Variants in SYTL2 observed in about 807,000 individuals in gnomAD.
SYTL2 encodes the protein synaptotagmin-like protein 2.
In SYTL2, 165 loss-of-function variants were observed where a neutral mutation model predicts 198.7. That is an observed-to-expected ratio of 0.83 (90% confidence interval 0.73 to 0.94). The LOEUF is 0.94. Ranked by LOEUF, SYTL2 falls within the 40% of genes least tolerant of loss-of-function variation. The pLI, the probability that SYTL2 is intolerant of heterozygous loss-of-function variation, is 0.00. For missense variants in SYTL2, 2,835 were observed against 2,582.8 expected (o/e 1.10, Z -2.12); for synonymous variants, 966 against 917.7 (o/e 1.05, Z -0.95).
In SYTL2 at chr11:85,757,942, T is replaced by C. The variant is rs533234089; in HGVS notation, c.-217A>G. 269 of 568,396 alleles carry C rather than the reference T, an allele frequency of 4.7e-4. 3 individuals carry two copies. The highest frequency in any genetic ancestry group is 4.6e-3 in the African/African-American group (244 of 53,282). 35.2% of individuals were successfully genotyped at this position (568,396 alleles called of 1,614,324 possible). A position where few individuals can be genotyped will look rare whatever the true frequency, so the allele number is the denominator to read the frequency against. On this transcript the variant is annotated 5_prime_UTR_variant, in exon 2 of 20. Transcript: ENST00000359152. ...CATGAGGAAGTCCTGGTCTGTGGGA[T>C]AGTGTCGAGAAGAGGCTCTCAGAAG... is the stretch of plus-strand genomic sequence containing the variant.
At chr11:85,763,959 G>C (rs1298713298) in intron 1 of SYTL2, among the ~76,000 whole-genome samples, 1 of 152,212 alleles carries the variant, frequency 6.6e-6, no homozygotes, top group African/African-American at 2.4e-5. Context: ...CTCCCTCTCA[G>C]CAGAAAGATT....
intron 18 of SYTL2, among the ~76,000 whole-genome samples, chr11:85,697,582 C>T (rs1175608446): frequency 1.3e-5 from 2 of 152,182 alleles, no homozygotes; most frequent in Admixed American, 1.3e-4. Flanking sequence ...CATACAATGA[C>T]CGTTTGCAAA....
upstream of SYTL2, among the ~76,000 whole-genome samples, chr11:85,813,781 G>T (rs2093058297): frequency 6.8e-6 from 1 of 146,682 alleles, no homozygotes; most frequent in Admixed American, 6.9e-5. Flanking sequence ...CCCAGGCAGT[G>T]GCACAAACAC....
At chr11:85,699,605 T>G (rs2083942080) in intron 17 of SYTL2, among the ~76,000 whole-genome samples, 1 of 152,212 alleles carries the variant, frequency 6.6e-6, no homozygotes, top group Admixed American at 6.5e-5. Flanking sequence ...TACATCAGAA[T>G]GCTTTTCTTT....
At chr11:85,833,087 GA>G in the SYTL2 span, among the ~76,000 whole-genome samples, 154 of 49,542 alleles carry the variant, frequency 3.1e-3, 4 homozygotes, top group Non-Finnish European at 4.9e-3. Context: ...AAGAAAGAAA[GA>G]AAGAAAGAAA....
At chr11:85,737,549 A>T in intron 5 of SYTL2, 26 bp downstream of exon 5, 1 of 1,585,028 alleles carries the variant, frequency 6.3e-7, no homozygotes, top group South Asian at 1.1e-5. Context: ...CAAATACAAG[A>T]TTTTCAAAAT....
At chr11:85,722,195 TTG>T (rs1255807088) in intron 8 of SYTL2, among the ~76,000 whole-genome samples, 7 of 139,160 alleles carry the variant, frequency 5.0e-5, no homozygotes, top group African/African-American at 2.0e-4. Flanking sequence ...TTTTTTTTTT[TTG>T]AGATGAAGTC....
At chr11:85,833,098 AGAAGGAAGGAAGGAAGGAAGGAAG>A in the SYTL2 span, among the ~76,000 whole-genome samples, 4 of 32,472 alleles carry the variant, frequency 1.2e-4, 1 homozygote, top group South Asian at 2.2e-3. Context: ...AAAGAAAGAA[AGAAGGAAGGAAGGAAGGAAGGAAG>A]GAAGGAAGGA....
At chr11:85,766,159 T>A (rs1209478335) in intron 1 of SYTL2, among the ~76,000 whole-genome samples, 1 of 151,886 alleles carries the variant, frequency 6.6e-6, no homozygotes, top group African/African-American at 2.4e-5. Flanking sequence ...GAGTACAGGG[T>A]GTAAATGGGG....
chr11:85,745,181 G>T (rs1398478546), intron 4 of SYTL2, among the ~76,000 whole-genome samples: 1 of 152,134 alleles, frequency 6.6e-6, no homozygotes, highest in Non-Finnish European at 1.5e-5. Context: ...TAGTCAAATG[G>T]CTAATAAATC....
the SYTL2 span, among the ~76,000 whole-genome samples, chr11:85,843,797 C>T: frequency 4.6e-5 from 7 of 152,100 alleles, no homozygotes; most frequent in Admixed American, 6.5e-5. Context: ...TTCAGAACAG[C>T]CCTGAGAAGT....
chr11:85,720,295 A>G (rs991790670), intron 9 of SYTL2, among the ~76,000 whole-genome samples: 2 of 152,210 alleles, frequency 1.3e-5, no homozygotes, highest in African/African-American at 2.4e-5. Context: ...TGGACATCCA[A>G]CGCTGTCATA....
chr11:85,726,807 G>A lies in SYTL2; in HGVS notation c.2551C>T (p.Gln851Ter). The change falls in exon 8 of 20, where the codon CAG (glutamine) becomes TAG (stop). Residue 851 changes from glutamine (Q) to a stop codon, truncating the protein, a stop_gained. Transcript: ENST00000359152. LOFTEE classifies it high-confidence loss of function. ...AAGACCACTCGTTTGGGAATGGCCT[G>A]ATTATATTCACTCTGGTCTGTAGAT... is the stretch of plus-strand genomic sequence containing the variant. ...SLSTDQSEYN[Q>*]AIPKRVVLDE... 1 of 1,536,280 alleles carries A rather than the reference G, an allele frequency of 6.5e-7. No individual in the cohort carries two copies. The highest frequency in any genetic ancestry group is 2.4e-5 in the East Asian group (1 of 40,918).
chr11:85,843,095 C>G, the SYTL2 span, among the ~76,000 whole-genome samples: 1 of 152,104 alleles, frequency 6.6e-6, no homozygotes, highest in Non-Finnish European at 1.5e-5. Flanking sequence ...TAAAATGGGC[C>G]AGGCATGGTG....
At chr11:85,763,307 A>G (rs1255564051) in intron 1 of SYTL2, among the ~76,000 whole-genome samples, 3 of 152,152 alleles carry the variant, frequency 2.0e-5, no homozygotes, top group Non-Finnish European at 2.9e-5. Context: ...CATATTTTCC[A>G]TGTGTCAGCC....
rs748426504 is a variant in SYTL2, at chr11:85,736,502, C to A, written c.585G>T (p.Glu195Asp). 1.3e-6 allele frequency: 2 copies of A among 1,490,562 alleles called. No individual in the cohort carries two copies. The highest frequency in any genetic ancestry group is 1.9e-6 in the Non-Finnish European group (2 of 1,078,706). 92.3% of individuals were successfully genotyped at this position (1,490,562 alleles called of 1,614,324 possible). The change falls in exon 6 of 20, where the codon GAG becomes GAT. Residue 195 changes from glutamate to aspartate, a missense_variant and splice_region_variant. Coordinates refer to ENST00000359152, the MANE Select transcript of SYTL2 (RefSeq NM_206927.4). ...GRTGLFQTSKEDELSESKEKS... is the reference protein window; with the variant it reads ...GRTGLFQTSKDDELSESKEKS... ...CAAGTTCATAAAAATAATATTTACC[C>A]TCTTTTGAAGTCTGAAATAAACCAG... is the stretch of plus-strand genomic sequence containing the variant.
the SYTL2 span, among the ~76,000 whole-genome samples, chr11:85,833,469 G>A: frequency 6.7e-6 from 1 of 149,786 alleles, no homozygotes; most frequent in East Asian, 2.0e-4. Context: ...ATGTTTTTAA[G>A]TAGAGGAAAG....
intron 7 of SYTL2, among the ~76,000 whole-genome samples, chr11:85,732,778 T>C (rs2089944422): frequency 1.3e-5 from 2 of 152,192 alleles, no homozygotes; most frequent in African/African-American, 2.4e-5. Context: ...GCAAACTTGA[T>C]TGTTGCTATT....
At chr11:85,774,991 G>GT (rs200646401) in intron 1 of SYTL2, among the ~76,000 whole-genome samples, 15,367 of 146,578 alleles carry the variant, frequency 0.1, 941 homozygotes, top group African/African-American at 0.17. Context: ...GTGCCTTCCT[G>GT]TTTTTTTTTT....
Sources: gnomAD v4.1 joint callset for allele counts (sites outside exome capture counted in the v4.1 genomes callset) on GRCh38, gnomAD v4.1.1 for gene constraint, MANE v1.5 for transcripts, NCBI Gene and HGNC (gene_info 2026-07-23, HGNC 2026-07-21) for gene names.